EPB41L5: variants seen among roughly 807,000 people sequenced by gnomAD.
The protein encoded by EPB41L5 is band 4.1-like protein 5.
A neutral mutation model predicts 106.6 loss-of-function variants in EPB41L5; 55 were observed. The ratio of observed to expected loss-of-function variants is 0.52; its 90% CI spans 0.42 to 0.65. The LOEUF (loss-of-function observed/expected upper bound fraction) is 0.65, where lower values mean the gene tolerates loss of function less well. Among genes scored for constraint, EPB41L5 ranks in the 30% least tolerant of loss-of-function variants. EPB41L5 has a pLI of 0.00. For synonymous variants in EPB41L5, 297 were observed against 306.7 expected (o/e 0.97, Z 0.33); for missense variants, 871 against 882.1 (o/e 0.99, Z 0.16).
At chr2:120,104,268 C>G (rs17049991) in intron 16 of EPB41L5, 69,206 of 1,522,494 alleles carry the variant, frequency 0.045, 1,877 homozygotes, top group African/African-American at 0.11. Context: ...CTTTGGGACT[C>G]TTTGTCATGC....
intron 2 of EPB41L5, among the ~76,000 whole-genome samples, chr2:120,033,038 A>G (rs1341081721): frequency 6.6e-6 from 1 of 152,234 alleles, no homozygotes; most frequent in Admixed American, 6.5e-5. Flanking sequence ...CTCTGAAAAT[A>G]TAGAATGGGA....
intron 9 of EPB41L5, 66 bp downstream of exon 9, chr2:120,077,382 T>G (rs1682321713): frequency 7.2e-7 from 1 of 1,387,660 alleles, no homozygotes; most frequent in Non-Finnish European, 1.0e-6. Context: ...GACTGTGGAA[T>G]TTTTCAGTAT....
chr2:120,108,952 C>G (rs1275742566), intron 16 of EPB41L5, among the ~76,000 whole-genome samples: 1 of 152,128 alleles, frequency 6.6e-6, no homozygotes, highest in Admixed American at 6.5e-5. Flanking sequence ...CATTGAATAT[C>G]AGTCTGAGTC....
chr2:120,062,419 T>C lies in EPB41L5; in HGVS notation c.286-10759T>C, dbSNP rs184899943. ...CCCAATAATGATTGTTTATAATTTA[T>C]GGCTAATAATATTCTGAAGTTGATC... is the stretch of plus-strand genomic sequence containing the variant. On this transcript the variant is annotated intron_variant, in intron 3 of 24. Coordinates refer to ENST00000263713, the MANE Select transcript of EPB41L5 (RefSeq NM_020909.4). Among the ~76,000 whole-genome samples, 623 of 152,336 alleles carry C rather than the reference T, an allele frequency of 4.1e-3. 2 individuals carry two copies. Among genetic ancestry groups the C allele is most frequent in the Admixed American group, 6.9e-3 (105 of 15,310 alleles).
chr2:120,166,538 A>G (rs994533792), intron 22 of EPB41L5, among the ~76,000 whole-genome samples: 5 of 152,020 alleles, frequency 3.3e-5, no homozygotes, highest in African/African-American at 4.8e-5. Flanking sequence ...TCCGCCTCCA[A>G]GCGATTCTCC....
chr2:120,070,487 CA>C (rs1681786171), intron 3 of EPB41L5, among the ~76,000 whole-genome samples: 1 of 152,138 alleles, frequency 6.6e-6, no homozygotes, highest in African/African-American at 2.4e-5. Flanking sequence ...TTTATGAGGC[CA>C]GCATCATCCT....
At chr2:120,016,872 A>G (rs1677561618) in intron 1 of EPB41L5, among the ~76,000 whole-genome samples, 1 of 151,878 alleles carries the variant, frequency 6.6e-6, no homozygotes, top group African/African-American at 2.4e-5. Context: ...AAATACCTGG[A>G]AAAAAAAATC....
intron 16 of EPB41L5, among the ~76,000 whole-genome samples, chr2:120,125,356 T>C (rs1685411135): frequency 1.3e-5 from 2 of 152,308 alleles, no homozygotes; most frequent in Admixed American, 1.3e-4. Flanking sequence ...CCTCCATTGG[T>C]AAAGTTGGCC....
intron 2 of EPB41L5, among the ~76,000 whole-genome samples, chr2:120,026,451 C>T (rs1057189804): frequency 4.6e-5 from 7 of 152,154 alleles, no homozygotes; most frequent in Non-Finnish European, 7.3e-5. Context: ...TTACTGCGAT[C>T]TCTGCCTCCT....
intron 20 of EPB41L5, among the ~76,000 whole-genome samples, chr2:120,152,111 A>G (rs1686706587): frequency 1.3e-5 from 2 of 152,352 alleles, no homozygotes; most frequent in South Asian, 2.1e-4. Flanking sequence ...CCTGAAAGGG[A>G]TAAAGGGAAA....
chr2:120,137,167 CAAATGA>C (rs1685959362), intron 18 of EPB41L5, among the ~76,000 whole-genome samples: 1 of 151,788 alleles, frequency 6.6e-6, no homozygotes, highest in African/African-American at 2.4e-5. Flanking sequence ...TTTCTTGAAA[CAAATGA>C]AAATGGAAAC....
At position 120,106,834 on chromosome 2, in the gene EPB41L5, A is replaced by G. The variant is rs3171819; in HGVS notation, c.1337+6020A>G. The G allele has an allele frequency of 1.9e-3, 1,909 of 985,266 alleles. 29 individuals are homozygous for G. The African/African-American group carries it at 0.031, about 16-fold the overall frequency. The allele number at this position is 985,266 out of a possible 1,614,324, so 61.0% of individuals were successfully genotyped here. A position where few individuals can be genotyped will look rare whatever the true frequency, so the allele number is the denominator to read the frequency against. On this transcript the variant is annotated intron_variant, in intron 16 of 24. Transcript: ENST00000263713. ...GTTTACCTATCTTGGAGTAAGATCTAACATTTCTGACCTTGATAGGATAAT... is the reference window on the plus strand; with the variant it reads ...GTTTACCTATCTTGGAGTAAGATCTGACATTTCTGACCTTGATAGGATAAT...
At chr2:120,098,179 T>TGTGTGTGTGTGTGTGTGA (rs1683889802) in intron 14 of EPB41L5, among the ~76,000 whole-genome samples, 3 of 151,436 alleles carry the variant, frequency 2.0e-5, no homozygotes, top group Admixed American at 2.0e-4. Flanking sequence ...TGTGTGTGTG[T>TGTGTGTGTGTGTGTGTGA]GTGTGTGTGT....
rs1419004872 is a variant in EPB41L5 at position 120,176,353 on chromosome 2, A to G, written c.*1446A>G. 1 of 152,234 alleles carries G rather than the reference A, an allele frequency of 6.6e-6. No homozygotes were observed. The highest frequency in any genetic ancestry group is 1.5e-5 in the Non-Finnish European group (1 of 68,044). The allele number at this position is 152,234 out of a possible 1,614,324, so 9.4% of individuals were successfully genotyped here. A position where few individuals can be genotyped will look rare whatever the true frequency, so the allele number is the denominator to read the frequency against. On this transcript the variant is annotated 3_prime_UTR_variant, in exon 25 of 25. Transcript: ENST00000263713. ...TAAGCACTAATTTGTACTGCTTAGC[A>G]TAAAAGAACATCCAGTCTTAGATCC...
intron 15 of EPB41L5, 44 bp from the exon 16 acceptor site, chr2:120,100,655 G>C (rs1249041115): frequency 7.2e-7 from 1 of 1,396,100 alleles, no homozygotes; most frequent in Non-Finnish European, 1.0e-6. Flanking sequence ...GAAGAGATCT[G>C]TTATCGAGGC....
At chr2:120,017,843 G>C (rs1395514063) in intron 1 of EPB41L5, among the ~76,000 whole-genome samples, 1 of 152,140 alleles carries the variant, frequency 6.6e-6, no homozygotes, top group Non-Finnish European at 1.5e-5. Context: ...TGCCACCCGG[G>C]CTGGAGTGCA....
At chr2:120,080,422 A>G (rs1288184727) in intron 10 of EPB41L5, among the ~76,000 whole-genome samples, 1 of 152,152 alleles carries the variant, frequency 6.6e-6, no homozygotes, top group Non-Finnish European at 1.5e-5. Context: ...CCATGTCCCT[A>G]CAAAGGATAT....
At chr2:120,096,358 A>G (rs1311899097) in intron 14 of EPB41L5, among the ~76,000 whole-genome samples, 1 of 152,226 alleles carries the variant, frequency 6.6e-6, no homozygotes, top group Admixed American at 6.5e-5. Context: ...ATAAATAAAT[A>G]TAACAGGGAG....
At chr2:120,065,839 C>G (rs1215984649) in intron 3 of EPB41L5, among the ~76,000 whole-genome samples, 1 of 152,082 alleles carries the variant, frequency 6.6e-6, no homozygotes, top group Non-Finnish European at 1.5e-5. Flanking sequence ...AAATAGTGTT[C>G]TATTTTTTAA....
Sources: gnomAD v4.1 joint callset for allele counts (sites outside exome capture counted in the v4.1 genomes callset) on GRCh38, gnomAD v4.1.1 for gene constraint, MANE v1.5 for transcripts, NCBI Gene and HGNC (gene_info 2026-07-23, HGNC 2026-07-21) for gene names.